CLTCL1: variants seen among roughly 807,000 people sequenced by gnomAD.
CLTCL1 encodes the protein clathrin heavy chain 2.
Under a neutral mutation model 190.0 loss-of-function variants are expected in CLTCL1, and 159 were observed. The ratio of observed to expected loss-of-function variants is 0.84; its 90% CI spans 0.74 to 0.95. CLTCL1 has a LOEUF of 0.95. CLTCL1 is among the 40% of genes least tolerant of loss of function. The pLI is 0.00. For synonymous variants in CLTCL1, 752 were observed against 769.6 expected (o/e 0.98, Z 0.38); for missense variants, 1,878 against 2,033.4 (o/e 0.92, Z 1.47).
intron 29 of CLTCL1, chr22:19,184,076 C>T (rs2084231852): frequency 7.9e-6 from 2 of 254,572 alleles, no homozygotes; most frequent in Non-Finnish European, 1.6e-5. Flanking sequence ...CTATTTTCAT[C>T]CTTGCAAATG....
chr22:19,246,284 T>C (rs1321908597), intron 3 of CLTCL1, among the ~76,000 whole-genome samples: 1 of 151,816 alleles, frequency 6.6e-6, no homozygotes, highest in Non-Finnish European at 1.5e-5. Context: ...ATGGTCTTGA[T>C]CTCCTGACCT....
At chr22:19,249,913 T>C in intron 3 of CLTCL1, 1 of 434,912 alleles carries the variant, frequency 2.3e-6, no homozygotes, top group Non-Finnish European at 4.6e-6. Flanking sequence ...TTAGAATGAC[T>C]GATGGTATGC....
At chr22:19,201,131 C>T (rs2084867384) in intron 23 of CLTCL1, among the ~76,000 whole-genome samples, 198 bp downstream of exon 23, 1 of 152,184 alleles carries the variant, frequency 6.6e-6, no homozygotes, top group African/African-American at 2.4e-5. Flanking sequence ...CTCTGGGGGC[C>T]AACTGGTTCC....
chr22:19,291,208 C>T (rs1236283709), intron 1 of CLTCL1, among the ~76,000 whole-genome samples: 4 of 152,236 alleles, frequency 2.6e-5, no homozygotes, highest in Admixed American at 2.6e-4. Flanking sequence ...ATCACAGAGG[C>T]AAACTCAGGG....
At chr22:19,184,206 T>C (rs1335177725) in intron 29 of CLTCL1, 2 of 305,298 alleles carry the variant, frequency 6.6e-6, no homozygotes, top group Admixed American at 8.8e-5. Context: ...CTGGATCACC[T>C]GATTCCTTCT....
At chr22:19,218,636 G>A (rs574650707) in intron 18 of CLTCL1, among the ~76,000 whole-genome samples, 204 of 152,300 alleles carry the variant, frequency 1.3e-3, no homozygotes, top group South Asian at 5.2e-3. Flanking sequence ...CTTGTTGGAC[G>A]AGGGTTTTGT....
chr22:19,245,287 G>GGGT lies in CLTCL1; in HGVS notation c.520-2354_520-2352dup, dbSNP rs2086384869. Among the ~76,000 whole-genome samples the GGGT allele has an allele frequency of 2.5e-4, 37 of 148,050 alleles. No homozygotes were observed. The South Asian group carries it at 7.7e-3, about 31-fold the overall frequency. On this transcript the variant is annotated intron_variant, in intron 3 of 32. Coordinates refer to ENST00000427926, the MANE Select transcript of CLTCL1 (RefSeq NM_007098.4). The stretch of plus-strand genomic sequence containing the variant: ...CGGCTCACCACAACCTCCACCTCCT[G>GGGT]GGTTCAAACGATTCTCCTGCCTCAG...
intron 2 of CLTCL1, among the ~76,000 whole-genome samples, chr22:19,269,013 C>T (rs1274478858): frequency 6.6e-6 from 1 of 151,386 alleles, no homozygotes; most frequent in Non-Finnish European, 1.5e-5. Context: ...TTGCTTGAAC[C>T]CAGGAGGCAG....
Position 19,191,559 on chromosome 22 carries a change from T to A in CLTCL1, c.4192-124A>T, listed in dbSNP as rs963260626. 13 of 1,159,860 alleles carry A rather than the reference T, an allele frequency of 1.1e-5. No homozygotes were observed. In the African/African-American group the frequency reaches 1.7e-4, roughly 15 times the overall value. The allele number at this position is 1,159,860 out of a possible 1,614,324, so 71.8% of individuals were successfully genotyped here. A position where few individuals can be genotyped will look rare whatever the true frequency, so the allele number is the denominator to read the frequency against. ...CTGCCATGACTACCCCCTATAAGACTCAATGGCCTGTGAAGGTGCCTCCTC... is the reference window on the plus strand; with the variant it reads ...CTGCCATGACTACCCCCTATAAGACACAATGGCCTGTGAAGGTGCCTCCTC... On this transcript the variant is annotated intron_variant, in intron 26 of 32. Coordinates refer to ENST00000427926, the MANE Select transcript of CLTCL1 (RefSeq NM_007098.4).
At chr22:19,234,434 C>T (rs2086013643) in intron 7 of CLTCL1, 75 bp downstream of exon 7, 19 of 1,309,204 alleles carry the variant, frequency 1.5e-5, no homozygotes, top group Admixed American at 7.4e-5. Context: ...TAGTGAAATG[C>T]TTTTATGACT....
At chr22:19,222,628 T>C (rs1382200262) in intron 15 of CLTCL1, 56 bp downstream of exon 15, 18 of 1,559,248 alleles carry the variant, frequency 1.2e-5, no homozygotes, top group Non-Finnish European at 1.6e-5. Context: ...AGGGGAAGAC[T>C]GCCACTGACT....
chr22:19,192,287 G>C (rs1194981671), intron 26 of CLTCL1, among the ~76,000 whole-genome samples: 1 of 152,002 alleles, frequency 6.6e-6, no homozygotes, highest in African/African-American at 2.4e-5. Flanking sequence ...GGATGGTCTC[G>C]ATCTCCTGAC....
At chr22:19,210,222 C>T in intron 20 of CLTCL1, 104 bp downstream of exon 20, 1 of 1,115,178 alleles carries the variant, frequency 9.0e-7, no homozygotes, top group Non-Finnish European at 1.3e-6. Flanking sequence ...ATGCACTGGA[C>T]AACCAGAGGG....
In CLTCL1 at chr22:19,289,954, T is replaced by A. The variant is rs2088049577; in HGVS notation, c.42+1646A>T. Among the ~76,000 whole-genome samples, 4 of 152,296 alleles carry A rather than the reference T, an allele frequency of 2.6e-5. No homozygotes were observed. In the South Asian group the frequency reaches 8.3e-4, roughly 32 times the overall value. On this transcript the variant is annotated intron_variant, in intron 1 of 32. Transcript: ENST00000427926. The stretch of plus-strand genomic sequence containing the variant: ...CTCGAAATGTCTGTAGTGAAGGCAG[T>A]GTGTGCTGACTCAGTGTTTGCTCTA...
At chr22:19,211,784 C>CAA (rs199971906) in intron 19 of CLTCL1, among the ~76,000 whole-genome samples, 6 of 113,746 alleles carry the variant, frequency 5.3e-5, no homozygotes, top group Non-Finnish European at 7.4e-5. Flanking sequence ...AAAAAAAAAA[C>CAA]AAAAACAAAA....
intron 26 of CLTCL1, among the ~76,000 whole-genome samples, chr22:19,192,524 C>A (rs920717793): frequency 6.6e-6 from 1 of 152,180 alleles, no homozygotes; most frequent in South Asian, 2.1e-4. Context: ...GCACAGGGCA[C>A]AGCTGGAGCT....
intron 4 of CLTCL1, among the ~76,000 whole-genome samples, 199 bp downstream of exon 4, chr22:19,242,576 A>G (rs368966612): frequency 4.9e-4 from 75 of 152,286 alleles, no homozygotes; most frequent in African/African-American, 1.6e-3. Context: ...TACAGGCGTG[A>G]GCCACCGCGC....
chr22:19,208,817 G>C (rs1164763423), intron 21 of CLTCL1, 105 bp downstream of exon 21: 1 of 932,744 alleles, frequency 1.1e-6, no homozygotes, highest in Non-Finnish European at 1.6e-6. Context: ...TGATATCTCT[G>C]GATACATCAT....
At chr22:19,240,249 C>T (rs2086210998) in intron 4 of CLTCL1, among the ~76,000 whole-genome samples, 1 of 152,106 alleles carries the variant, frequency 6.6e-6, no homozygotes, top group African/African-American at 2.4e-5. Flanking sequence ...AGGCACGAGC[C>T]ACCACGCCCA....
Sources: allele counts gnomAD v4.1 joint callset (sites outside exome capture counted in the v4.1 genomes callset), GRCh38; gene constraint gnomAD v4.1.1; transcripts MANE v1.5; gene names NCBI Gene and HGNC (gene_info 2026-07-23, HGNC 2026-07-21).